The following FBXO8 variants were observed in gnomAD, a reference collection of about 807,000 sequenced individuals.
The protein encoded by FBXO8 is F-box protein 8.
A neutral mutation model predicts 33.4 loss-of-function variants in FBXO8; 15 were observed. The ratio of observed to expected loss-of-function variants is 0.45; its 90% CI spans 0.30 to 0.69. FBXO8 has a LOEUF of 0.69. Ranked by LOEUF, FBXO8 falls within the 30% of genes least tolerant of loss-of-function variation. The pLI is 0.08. For synonymous variants in FBXO8, 132 were observed against 131.5 expected, an observed-to-expected ratio of 1.00 and a Z score of -0.02; for missense variants, 274 against 380.3, an observed-to-expected ratio of 0.72 and a Z score of 2.32.
chr4:174,244,967 ATAT>A (rs1261973881), intron 3 of FBXO8, among the ~76,000 whole-genome samples: 2 of 151,834 alleles, frequency 1.3e-5, no homozygotes, highest in African/African-American at 4.8e-5. Context: ...TGTAAAATAG[ATAT>A]ATGTATATCT....
chr4:174,260,123 T>A (rs1158820731), intron 2 of FBXO8, among the ~76,000 whole-genome samples: 1 of 152,018 alleles, frequency 6.6e-6, no homozygotes, highest in Non-Finnish European at 1.5e-5. Context: ...ATAGCTAACA[T>A]TTACTGAATA....
intron 3 of FBXO8, among the ~76,000 whole-genome samples, chr4:174,244,317 G>C (rs1172502060): frequency 6.6e-6 from 1 of 151,560 alleles, no homozygotes; most frequent in Non-Finnish European, 1.5e-5. Context: ...CTCAATTATA[G>C]GCAGACAGAT....
intron 2 of FBXO8, among the ~76,000 whole-genome samples, chr4:174,260,934 T>C (rs1736544556): frequency 6.6e-6 from 1 of 151,978 alleles, no homozygotes. Context: ...TCAGATTTCC[T>C]TCTTTTAATA....
At position 174,274,579 on chromosome 4, in the gene FBXO8, G is replaced by A. The variant is rs1005530309; in HGVS notation, c.-9+8831C>T. The stretch of plus-strand genomic sequence containing the variant: ...ATAGTTCCAACACGCACTAGTTTCA[G>A]TTAACATGGTAAAATGCAAAATGAT... On this transcript the variant is annotated intron_variant, in intron 1 of 5. Transcript: ENST00000393674. This position sits in a 1 kb window ranked among gnomAD's most constrained non-coding sequence, Gnocchi z 4.0. 1.3e-5 allele frequency among the ~76,000 whole-genome samples: 2 copies of A among 152,162 alleles called. No homozygotes were observed. The highest frequency in any genetic ancestry group is 2.9e-5 in the Non-Finnish European group (2 of 68,030).
Position 174,256,235 on chromosome 4 carries a change from T to G in FBXO8, c.456+3464A>C. On this transcript the variant is annotated intron_variant, in intron 3 of 5. Transcript: ENST00000393674. The surrounding 1 kb of genome is among the most constrained non-coding windows in gnomAD (Gnocchi z 4.6). ...CTGGAAATTATGAAAAAGTAGACTT[T>G]TTACAATACTAAGCAATTATATACA... 2.3e-6 allele frequency: 1 copy of G among 438,948 alleles called. No homozygotes were observed. The highest frequency in any genetic ancestry group is 4.5e-6 in the Non-Finnish European group (1 of 221,336). The allele number at this position is 438,948 out of a possible 1,614,324, so 27.2% of individuals were successfully genotyped here.
chr4:174,266,755 T>C (rs1368122780), intron 1 of FBXO8, among the ~76,000 whole-genome samples: 4 of 152,172 alleles, frequency 2.6e-5, no homozygotes, highest in African/African-American at 7.2e-5. Flanking sequence ...AGTTTCTTCA[T>C]GTACAATGCA....
chr4:174,271,830 G>C (rs958391949), intron 1 of FBXO8, among the ~76,000 whole-genome samples: 2 of 152,028 alleles, frequency 1.3e-5, no homozygotes, highest in African/African-American at 4.8e-5. Flanking sequence ...ATTTCATCTG[G>C]TAACTGGTCA....
chr4:174,248,495 G>A (rs1736210965), intron 3 of FBXO8, among the ~76,000 whole-genome samples: 1 of 152,008 alleles, frequency 6.6e-6, no homozygotes, highest in African/African-American at 2.4e-5. Context: ...TAGTTTTGAT[G>A]TCAGTTTTAA....
chr4:174,265,445 C>A lies in FBXO8; in HGVS notation c.-8-2345G>T, dbSNP rs758541293. ...AATTTTCAAATCCTGTAAGCAACTA[C>A]GATGTACTTCATTATGCGAATGTAT... On this transcript the variant is annotated intron_variant, in intron 1 of 5. Coordinates refer to ENST00000393674, the MANE Select transcript of FBXO8 (RefSeq NM_012180.3). The surrounding 1 kb of genome is among the most constrained non-coding windows in gnomAD (Gnocchi z 4.7). Among the ~76,000 whole-genome samples the A allele has an allele frequency of 6.6e-6, 1 of 152,042 alleles. No individual in the cohort carries two copies. The highest frequency in any genetic ancestry group is 6.6e-5 in the Admixed American group (1 of 15,254).
rs532587433 is a variant in FBXO8, at chr4:174,251,106, T to C, written c.456+8593A>G. On this transcript the variant is annotated intron_variant, in intron 3 of 5. Transcript: ENST00000393674. This position sits in a 1 kb window ranked among gnomAD's most constrained non-coding sequence, Gnocchi z 4.2. ...ACAAAAGTAAAATTCAAATAAAAAA[T>C]TGTTCATTGTAGCATATCATATTTT... is the stretch of plus-strand genomic sequence containing the variant. Among the ~76,000 whole-genome samples, 20 of 152,218 alleles carry C rather than the reference T, an allele frequency of 1.3e-4. No individual in the cohort carries two copies. The highest frequency in any genetic ancestry group is 4.3e-4 in the African/African-American group (18 of 41,540).
intron 3 of FBXO8, among the ~76,000 whole-genome samples, chr4:174,258,747 T>A (rs1050076574): frequency 6.6e-6 from 1 of 152,060 alleles, no homozygotes; most frequent in Non-Finnish European, 1.5e-5. Context: ...TATTTTTATA[T>A]GCATACGTAT....
rs1314390038 is a variant in FBXO8 at position 174,251,490 on chromosome 4, G to A, written c.456+8209C>T. Among the ~76,000 whole-genome samples the A allele has an allele frequency of 6.6e-6, 1 of 152,130 alleles. No homozygotes were observed. Among genetic ancestry groups the A allele is most frequent in the Non-Finnish European group, 1.5e-5 (1 of 68,018 alleles). ...GGAAAAGGAGGGTGGCTGGGATAGA[G>A]TATGGTTAGGGTAAGGTGTAAACTA... On this transcript the variant is annotated intron_variant, in intron 3 of 5. Coordinates refer to ENST00000393674, the MANE Select transcript of FBXO8 (RefSeq NM_012180.3). The surrounding 1 kb of genome is among the most constrained non-coding windows in gnomAD (Gnocchi z 4.2).
chr4:174,239,241 A>C, intron 4 of FBXO8, 51 bp from the exon 5 acceptor site: 2 of 1,280,914 alleles, frequency 1.6e-6, no homozygotes, highest in South Asian at 3.9e-5. Context: ...TTCATTAAAA[A>C]AATGGTAAGA....
intron 3 of FBXO8, among the ~76,000 whole-genome samples, chr4:174,249,018 C>A (rs1158683012): frequency 6.6e-6 from 1 of 151,888 alleles, no homozygotes; most frequent in Non-Finnish European, 1.5e-5. Flanking sequence ...CAATGGCAAA[C>A]AAAATAACAT....
Position 174,239,017 on chromosome 4 carries a change from A to G in FBXO8, c.749T>C (p.Met250Thr), listed in dbSNP as rs1185788398. 3 of 1,569,674 alleles carry G rather than the reference A, an allele frequency of 1.9e-6. No homozygotes were observed. Among genetic ancestry groups the G allele is most frequent in the Non-Finnish European group, 2.6e-6 (3 of 1,156,274 alleles). ...ACCAGGACTAAGGCCAAGTTCTCGC[A>G]TTAAATCAGGGTTGCAAGCACAGAA... ...HRFCACNPDLMRELGLSPDAV... is the reference protein window; with the variant it reads ...HRFCACNPDLTRELGLSPDAV... The change falls in exon 5 of 6, where the codon ATG becomes ACG. Residue 250 changes from methionine (M) to threonine (T), a missense_variant. Around this residue, in one of 2 missense-constraint regions of FBXO8, gnomAD observed 186 missense variants for 293.4 expected, o/e 0.63. Transcript: ENST00000393674.
rs1737082043 is a variant in FBXO8 at position 174,281,321 on chromosome 4, A to G, written c.-9+2089T>C. 6.6e-6 allele frequency among the ~76,000 whole-genome samples: 1 copy of G among 152,188 alleles called. No individual in the cohort carries two copies. Among genetic ancestry groups the G allele is most frequent in the African/African-American group, 2.4e-5 (1 of 41,448 alleles). ...CCTATGCAATCTATTCTTGAAAAAT[A>G]CACGAACTGCTGACTAAATGGTTAA... On this transcript the variant is annotated intron_variant, in intron 1 of 5. Coordinates refer to ENST00000393674, the MANE Select transcript of FBXO8 (RefSeq NM_012180.3). This position sits in a 1 kb window ranked among gnomAD's most constrained non-coding sequence, Gnocchi z 4.6.
rs1418951555 is a variant in FBXO8 at position 174,252,585 on chromosome 4, C to T, written c.456+7114G>A. On this transcript the variant is annotated intron_variant, in intron 3 of 5. Coordinates refer to ENST00000393674, the MANE Select transcript of FBXO8 (RefSeq NM_012180.3). This position sits in a 1 kb window ranked among gnomAD's most constrained non-coding sequence, Gnocchi z 5.1. ...TACCAGATGGCTGCACATGGTCATG[C>T]CATTATATTCTCACATACCAATGCC... 2.0e-5 allele frequency among the ~76,000 whole-genome samples: 3 copies of T among 151,910 alleles called. No individual in the cohort carries two copies. The highest frequency in any genetic ancestry group is 4.8e-5 in the African/African-American group (2 of 41,348).
Position 174,263,071 on chromosome 4 carries a change from C to T in FBXO8, c.22G>A (p.Val8Met), listed in dbSNP as rs376125690. 1 of 1,613,722 alleles carries T rather than the reference C, an allele frequency of 6.2e-7. No individual in the cohort carries two copies. Among genetic ancestry groups the T allele is most frequent in the Non-Finnish European group, 8.5e-7 (1 of 1,179,898 alleles). MGQGLWR[V>M]VRNQQLQQEG... ...TGTTGCAGCTGCTGGTTTCTGACCACTCTCCACAACCCTTGACCCATCTGC... is the reference window on the plus strand; with the variant it reads ...TGTTGCAGCTGCTGGTTTCTGACCATTCTCCACAACCCTTGACCCATCTGC... Residue 8 changes from valine to methionine, a missense_variant, in exon 2 of 6, where the codon GTG (valine) becomes ATG (methionine). Physicochemically the swap from Val to Met is conservative, Grantham distance 21. Transcript: ENST00000393674. This position sits in a 1 kb window ranked among gnomAD's most constrained non-coding sequence, Gnocchi z 4.2.
At chr4:174,271,357 G>A (rs1415377074) in intron 1 of FBXO8, among the ~76,000 whole-genome samples, 3 of 152,122 alleles carry the variant, frequency 2.0e-5, no homozygotes, top group Admixed American at 1.3e-4. Context: ...GAAATTCAGA[G>A]TCAAATGAGC....
Sources: allele counts gnomAD v4.1 joint callset (sites outside exome capture counted in the v4.1 genomes callset), GRCh38; gene constraint gnomAD v4.1.1; regional missense constraint gnomAD v4.1.1; non-coding constraint Gnocchi (gnomAD v3.1); transcripts MANE v1.5; gene names NCBI Gene and HGNC (gene_info 2026-07-23, HGNC 2026-07-21).